The following PIP5K1C variants were observed in gnomAD, a reference collection of about 807,000 sequenced individuals.
The protein encoded by PIP5K1C is phosphatidylinositol 4-phosphate 5-kinase type-1 gamma.
PIP5K1C carries 45 observed loss-of-function variants against 80.1 expected under a neutral mutation model. That is an observed-to-expected ratio of 0.56 (90% CI 0.44 to 0.72). The LOEUF (loss-of-function observed/expected upper bound fraction) is 0.72. PIP5K1C is among the 30% of genes least tolerant of loss of function. The pLI is 0.00. For synonymous variants in PIP5K1C, 498 were observed against 420.1 expected, an observed-to-expected ratio of 1.19 and a Z score of -2.27; for missense variants, 753 against 954.6, an observed-to-expected ratio of 0.79 and a Z score of 2.78.
In PIP5K1C at chr19:3,650,759, C is replaced by CT. The variant is rs547652546; in HGVS notation, c.1127+1066dup. Among the ~76,000 whole-genome samples the CT allele has an allele frequency of 2.4e-3, 366 of 151,972 alleles. 3 individuals are homozygous for CT. Among genetic ancestry groups the CT allele is most frequent in the African/African-American group, 7.6e-3 (317 of 41,478 alleles). ...CCGTTCCTATCTTCTGTGGCAGCCA[C>CT]TTTTTTTTTCTTTTTGGACAGAGTT... On this transcript the variant is annotated intron_variant, in intron 8 of 17. Transcript: ENST00000335312.
chr19:3,688,957 G>GT lies in PIP5K1C; in HGVS notation c.94+11339dup, dbSNP rs1314758877. Among the ~76,000 whole-genome samples the GT allele has an allele frequency of 1.4e-5, 2 of 147,468 alleles. No individual in the cohort carries two copies. The highest frequency in any genetic ancestry group is 5.0e-5 in the African/African-American group (2 of 39,624). On this transcript the variant is annotated intron_variant, in intron 1 of 17. Coordinates refer to ENST00000335312, the MANE Select transcript of PIP5K1C (RefSeq NM_012398.3). This position sits in a 1 kb window ranked among gnomAD's most constrained non-coding sequence, Gnocchi z 5.3. ...AGAGTGCCCGGGATGGGGCTGGGGGGTGGGGGGGGCTTGGCGCACGCGGCC... is the reference window on the plus strand; with the variant it reads ...AGAGTGCCCGGGATGGGGCTGGGGGGTTGGGGGGGGCTTGGCGCACGCGGCC...
chr19:3,693,941 G>A (rs572848251), intron 1 of PIP5K1C, among the ~76,000 whole-genome samples: 7 of 150,952 alleles, frequency 4.6e-5, no homozygotes, highest in Admixed American at 6.6e-5. Context: ...GGCTGGGCGC[G>A]GTGGCTCACA....
chr19:3,664,775 T>A (rs1450612124), intron 3 of PIP5K1C, 47 bp downstream of exon 3: 2 of 1,467,308 alleles, frequency 1.4e-6, no homozygotes, highest in South Asian at 2.3e-5. Context: ...CCCCCTCCCC[T>A]CTGCTCTGTC....
chr19:3,670,364 T>C (rs1271975057), intron 1 of PIP5K1C, among the ~76,000 whole-genome samples: 2 of 151,632 alleles, frequency 1.3e-5, no homozygotes, highest in Admixed American at 1.3e-4. Flanking sequence ...CCGCTGTCCT[T>C]ATAAGAGAAG....
rs751452450 is a variant in PIP5K1C, at chr19:3,637,236, G to C, written c.1920+1648C>G. On this transcript the variant is annotated intron_variant, in intron 16 of 17. Coordinates refer to ENST00000335312, the MANE Select transcript of PIP5K1C (RefSeq NM_012398.3). The surrounding 1 kb of genome is among the most constrained non-coding windows in gnomAD (Gnocchi z 7.0). ...TGGGTCCAGGGGCAGAGAGGGGCTCGCTGGGGTCTGGCCGGGGTCCGAAGC... is the reference window on the plus strand; with the variant it reads ...TGGGTCCAGGGGCAGAGAGGGGCTCCCTGGGGTCTGGCCGGGGTCCGAAGC... The C allele has an allele frequency of 1.4e-6, 2 of 1,442,138 alleles. No individual in the cohort carries two copies. Among genetic ancestry groups the C allele is most frequent in the Admixed American group, 5.4e-5 (2 of 37,318 alleles). 89.3% of individuals were successfully genotyped at this position (1,442,138 alleles called of 1,614,324 possible). A position where few individuals can be genotyped will look rare whatever the true frequency, so the allele number is the denominator to read the frequency against.
At chr19:3,667,867 AG>A (rs1248198670) in intron 1 of PIP5K1C, among the ~76,000 whole-genome samples, 2 of 151,976 alleles carry the variant, frequency 1.3e-5, no homozygotes, top group African/African-American at 2.4e-5. Context: ...GTGGGGAGTG[AG>A]GGGGGGCAGG....
intron 16 of PIP5K1C, among the ~76,000 whole-genome samples, chr19:3,635,706 G>A (rs191122897): frequency 6.6e-5 from 10 of 151,732 alleles, no homozygotes; most frequent in Admixed American, 2.0e-4. Flanking sequence ...AAGGCTGGGC[G>A]CGGTGGCTTA....
chr19:3,650,031 C>T (rs1482861553), intron 8 of PIP5K1C: 5 of 169,032 alleles, frequency 3.0e-5, no homozygotes, highest in Non-Finnish European at 3.8e-5. Context: ...ACCCTACAAA[C>T]GCCAGGATGG....
At chr19:3,666,646 C>G (rs2035020276) in intron 2 of PIP5K1C, among the ~76,000 whole-genome samples, 2 of 152,040 alleles carry the variant, frequency 1.3e-5, no homozygotes, top group African/African-American at 4.8e-5. Flanking sequence ...AACACGTGCA[C>G]ACATGCACGC....
chr19:3,638,780 C>T (rs760895362), intron 16 of PIP5K1C, 104 bp downstream of exon 16: 21 of 1,481,324 alleles, frequency 1.4e-5, no homozygotes, highest in South Asian at 2.3e-5. Flanking sequence ...GGCACACTCA[C>T]GTGCCTGTGT....
intron 5 of PIP5K1C, among the ~76,000 whole-genome samples, chr19:3,657,309 C>T (rs1279231831): frequency 1.3e-5 from 2 of 152,168 alleles, no homozygotes; most frequent in South Asian, 2.1e-4. Context: ...GACAGGTGCT[C>T]GATTTGCTAA....
intron 5 of PIP5K1C, among the ~76,000 whole-genome samples, chr19:3,659,519 G>A (rs549480025): frequency 6.6e-6 from 1 of 152,236 alleles, no homozygotes; most frequent in Non-Finnish European, 1.5e-5. Context: ...GCTGCCTTCT[G>A]TTCCTGGCCG....
In PIP5K1C at chr19:3,636,080, C is replaced by T. The variant is rs146595290; in HGVS notation, c.1921-2560G>A. Among the ~76,000 whole-genome samples the T allele has an allele frequency of 1.4e-3, 208 of 152,198 alleles. 2 individuals are homozygous for T. The highest frequency in any genetic ancestry group is 0.01 in the Admixed American group (160 of 15,282). On this transcript the variant is annotated intron_variant, in intron 16 of 17. Coordinates refer to ENST00000335312, the MANE Select transcript of PIP5K1C (RefSeq NM_012398.3). Reference sequence around the variant, plus strand: ...GCTGAGGCAGGATAATTGCTTGTACCTGGGGGGTGGAGGTTGCAGTGAGCT... The same window carrying T: ...GCTGAGGCAGGATAATTGCTTGTACTTGGGGGGTGGAGGTTGCAGTGAGCT...
At chr19:3,640,875 G>T (rs2033932361) in intron 15 of PIP5K1C, among the ~76,000 whole-genome samples, 2 of 151,922 alleles carry the variant, frequency 1.3e-5, no homozygotes, top group African/African-American at 4.8e-5. Context: ...TTTTAGTAGA[G>T]ATGGGGTTTC....
intron 1 of PIP5K1C, among the ~76,000 whole-genome samples, chr19:3,684,790 G>A (rs984974824): frequency 1.4e-4 from 22 of 152,322 alleles, no homozygotes; most frequent in Non-Finnish European, 1.9e-4. Context: ...AGCCCCGGGC[G>A]GCTCTCTCCC....
chr19:3,699,219 G>A (rs1388133610), intron 1 of PIP5K1C, among the ~76,000 whole-genome samples: 2 of 151,822 alleles, frequency 1.3e-5, no homozygotes, highest in Admixed American at 1.3e-4. Context: ...CCAGGACACC[G>A]GCTGCCCGCA....
At chr19:3,667,383 A>T (rs1166248632) in intron 1 of PIP5K1C, 30 bp from the exon 2 acceptor site, 13 of 1,612,688 alleles carry the variant, frequency 8.1e-6, no homozygotes, top group African/African-American at 1.3e-5. Context: ...GGTATCAGAC[A>T]GGAAACCGGT....
intron 1 of PIP5K1C, among the ~76,000 whole-genome samples, chr19:3,693,085 T>C (rs2035993447): frequency 6.6e-6 from 1 of 152,094 alleles, no homozygotes; most frequent in Non-Finnish European, 1.5e-5. Context: ...GCTGTCTGTA[T>C]GTCCTGGCCC....
In PIP5K1C at chr19:3,632,597, C is replaced by T. The variant is rs3746124; in HGVS notation, c.*570G>A. 16,069 of 152,564 alleles carry T rather than the reference C, an allele frequency of 0.11. 1,299 individuals are homozygous for T. The highest frequency in any genetic ancestry group is 0.24 in the East Asian group (1,262 of 5,166). 9.5% of individuals were successfully genotyped at this position (152,564 alleles called of 1,614,324 possible). A position where few individuals can be genotyped will look rare whatever the true frequency, so the allele number is the denominator to read the frequency against. Reference sequence around the variant, plus strand: ...GCAGGGCGAGGGCTGTCCCCACAGTCGATGTTCAGGCCAGATGTCCTGCAC... The same window carrying T: ...GCAGGGCGAGGGCTGTCCCCACAGTTGATGTTCAGGCCAGATGTCCTGCAC... On this transcript the variant is annotated 3_prime_UTR_variant, in exon 18 of 18. Transcript: ENST00000335312.
Sources: gnomAD v4.1 joint callset for allele counts (sites outside exome capture counted in the v4.1 genomes callset) on GRCh38, gnomAD v4.1.1 for gene constraint, Gnocchi (gnomAD v3.1) non-coding constraint, MANE v1.5 for transcripts, NCBI Gene and HGNC (gene_info 2026-07-23, HGNC 2026-07-21) for gene names.